The following PHACTR3 variants were observed in gnomAD, a reference collection of about 807,000 sequenced individuals.
PHACTR3 encodes the protein protein phosphatase 1, regulatory subunit 123.
PHACTR3 carries 16 observed loss-of-function variants against 66.8 expected under a neutral mutation model. That is an observed-to-expected ratio of 0.24 (90% CI 0.16 to 0.36). The LOEUF is 0.36. Ranked by LOEUF, PHACTR3 falls within the 10% of genes least tolerant of loss-of-function variation. The pLI, the probability that PHACTR3 is intolerant of heterozygous loss-of-function variation, is 1.00. For missense variants in PHACTR3, 647 were observed against 719.9 expected (o/e 0.90, Z 1.16); for synonymous variants, 323 against 292.1 (o/e 1.11, Z -1.08).
intron 4 of PHACTR3, among the ~76,000 whole-genome samples, chr20:59,761,192 C>A (rs116854105): frequency 0.022 from 3,397 of 152,170 alleles, 58 homozygotes; most frequent in Non-Finnish European, 0.035. Flanking sequence ...TCTAGTGGGC[C>A]GGTCCTGGGA....
In PHACTR3 at chr20:59,781,525, G is replaced by A. The variant is rs563743749; in HGVS notation, c.1174+7035G>A. On this transcript the variant is annotated intron_variant, in intron 7 of 12. Transcript: ENST00000371015. ...TTGTCCTGGGGGCGGATGAGACAACGCTCATGGAGGGCCTGGCCTGTGTGG... is the reference window on the plus strand; with the variant it reads ...TTGTCCTGGGGGCGGATGAGACAACACTCATGGAGGGCCTGGCCTGTGTGG... Among the ~76,000 whole-genome samples the A allele has an allele frequency of 1.8e-4, 28 of 152,328 alleles. No homozygotes were observed. In the South Asian group the frequency reaches 5.2e-3, roughly 28 times the overall value.
chr20:59,822,935 A>G (rs900641659), intron 8 of PHACTR3, among the ~76,000 whole-genome samples: 1 of 152,018 alleles, frequency 6.6e-6, no homozygotes, highest in Non-Finnish European at 1.5e-5. Context: ...AGAGATGGAG[A>G]TGGGGAGGGG....
At chr20:59,586,668 G>A (rs1037854828) in intron 1 of PHACTR3, among the ~76,000 whole-genome samples, 8 of 152,260 alleles carry the variant, frequency 5.3e-5, no homozygotes, top group East Asian at 3.9e-4. Context: ...GATCATTTGC[G>A]TTTGCTTGGG....
chr20:59,660,106 T>C (rs1792434454), intron 1 of PHACTR3, among the ~76,000 whole-genome samples: 2 of 152,170 alleles, frequency 1.3e-5, no homozygotes, highest in African/African-American at 4.8e-5. Flanking sequence ...GACACTGCCT[T>C]TTACTTAGGT....
intron 7 of PHACTR3, among the ~76,000 whole-genome samples, chr20:59,798,802 A>G (rs1317440641): frequency 6.6e-6 from 1 of 151,466 alleles, no homozygotes; most frequent in African/African-American, 2.4e-5. Flanking sequence ...TATTTTTTAA[A>G]TTTCATTGGT....
chr20:59,816,964 G>A (rs1437483708), intron 8 of PHACTR3, among the ~76,000 whole-genome samples: 1 of 152,152 alleles, frequency 6.6e-6, no homozygotes, highest in African/African-American at 2.4e-5. Context: ...GAACTAAATG[G>A]CATCCTATTC....
chr20:59,732,111 T>C (rs2038785580), intron 1 of PHACTR3, among the ~76,000 whole-genome samples: 1 of 152,182 alleles, frequency 6.6e-6, no homozygotes, highest in South Asian at 2.1e-4. Context: ...TATACTATGC[T>C]AATATGCACT....
chr20:59,738,304 C>T lies in PHACTR3; in HGVS notation c.119-4803C>T, dbSNP rs541100395. 1.1e-4 allele frequency among the ~76,000 whole-genome samples: 16 copies of T among 151,808 alleles called. No homozygotes were observed. In the South Asian group the frequency reaches 2.7e-3, roughly 26 times the overall value. On this transcript the variant is annotated intron_variant, in intron 1 of 12. Transcript: ENST00000371015. The surrounding 1 kb of genome is among the most constrained non-coding windows in gnomAD (Gnocchi z 4.4). ...ACTGGCTTCCATGGCACATGGCAAG[C>T]ACTAATGCACAATAAGGATGATAAT...
intron 1 of PHACTR3, among the ~76,000 whole-genome samples, chr20:59,589,314 G>A (rs73299583): frequency 0.031 from 4,704 of 152,262 alleles, 258 homozygotes; most frequent in African/African-American, 0.11. Flanking sequence ...GCGAAATCCC[G>A]ATGGACCCAC....
chr20:59,799,592 C>A (rs1045044882), intron 7 of PHACTR3, among the ~76,000 whole-genome samples: 1 of 152,092 alleles, frequency 6.6e-6, no homozygotes, highest in African/African-American at 2.4e-5. Context: ...TTAATGTGCC[C>A]ATTTCAGCTC....
intron 1 of PHACTR3, among the ~76,000 whole-genome samples, chr20:59,683,313 G>A (rs778306265): frequency 6.6e-6 from 1 of 152,174 alleles, no homozygotes; most frequent in East Asian, 1.9e-4. Context: ...TGACAAATTG[G>A]CAATTGGCTG....
At chr20:59,800,754 TG>T (rs1167009233) in intron 7 of PHACTR3, among the ~76,000 whole-genome samples, 1 of 152,248 alleles carries the variant, frequency 6.6e-6, no homozygotes, top group Non-Finnish European at 1.5e-5. Flanking sequence ...GGATGTTTTT[TG>T]TATTCCTATA....
intron 8 of PHACTR3, among the ~76,000 whole-genome samples, chr20:59,824,780 G>C (rs572614732): frequency 4.9e-4 from 74 of 152,292 alleles, no homozygotes; most frequent in African/African-American, 1.8e-3. Flanking sequence ...CCCACCAGTG[G>C]GGGGGCGGGG....
intron 1 of PHACTR3, among the ~76,000 whole-genome samples, chr20:59,612,115 AG>A (rs1354928018): frequency 6.6e-6 from 1 of 152,212 alleles, no homozygotes; most frequent in Admixed American, 6.5e-5. Context: ...GAAATGTCAC[AG>A]GAACAGAGGC....
chr20:59,606,057 G>A (rs1015280262), intron 1 of PHACTR3, among the ~76,000 whole-genome samples: 4 of 152,338 alleles, frequency 2.6e-5, no homozygotes, highest in African/African-American at 9.6e-5. Context: ...TCTTAGAGAA[G>A]CACAATTCCT....
intron 1 of PHACTR3, among the ~76,000 whole-genome samples, chr20:59,653,928 A>G (rs2035537133): frequency 6.6e-6 from 1 of 152,164 alleles, no homozygotes; most frequent in South Asian, 2.1e-4. Flanking sequence ...ACCATTCCCC[A>G]CTAAAACGAA....
intron 8 of PHACTR3, among the ~76,000 whole-genome samples, chr20:59,823,498 T>C (rs533383675): frequency 6.6e-6 from 1 of 152,344 alleles, no homozygotes; most frequent in African/African-American, 2.4e-5. Context: ...AACACAATTT[T>C]AAACCATACA....
At chr20:59,602,900 T>C (rs1052542205), upstream of PHACTR3, among the ~76,000 whole-genome samples, 31 of 152,174 alleles carry the variant, frequency 2.0e-4, no homozygotes, top group Admixed American at 3.3e-4. Flanking sequence ...CCAAGAGCAT[T>C]GGCTGTGGCC....
intron 8 of PHACTR3, among the ~76,000 whole-genome samples, chr20:59,808,247 C>T (rs913524898): frequency 1.7e-4 from 26 of 152,214 alleles, no homozygotes; most frequent in African/African-American, 4.3e-4. Context: ...CCCCAGTTTG[C>T]GCCCACGGAC....
Sources: allele counts gnomAD v4.1 joint callset (sites outside exome capture counted in the v4.1 genomes callset), GRCh38; gene constraint gnomAD v4.1.1; non-coding constraint Gnocchi (gnomAD v3.1); transcripts MANE v1.5; gene names NCBI Gene and HGNC (gene_info 2026-07-23, HGNC 2026-07-21).